Variants in ZFTRAF1 observed in about 807,000 individuals in gnomAD.
ZFTRAF1 encodes the protein zinc finger TRAF-type-containing protein 1.
chr8:144,461,974 G>A, the ZFTRAF1 span, among the ~76,000 whole-genome samples: 2 of 152,162 alleles, frequency 1.3e-5, no homozygotes, highest in Non-Finnish European at 2.9e-5. Context: ...AGGGGACCGT[G>A]GGGAAGTCTA....
chr8:144,455,308 C>T, the ZFTRAF1 span: 1 of 152,180 alleles, frequency 6.6e-6, no homozygotes, highest in Admixed American at 6.5e-5. Context: ...GAGTGAGACT[C>T]TATCTCATGA....
the ZFTRAF1 span, chr8:144,452,219 G>A: frequency 1.0e-6 from 1 of 965,830 alleles, no homozygotes; most frequent in Non-Finnish European, 1.6e-6. Flanking sequence ...GTGTCCACCT[G>A]TCCACCGGGA....
At chr8:144,453,317 T>C in the ZFTRAF1 span, 5 of 1,551,078 alleles carry the variant, frequency 3.2e-6, no homozygotes, top group Non-Finnish European at 4.4e-6. Flanking sequence ...CGCTCACGGC[T>C]TTCTCCACGG....
chr8:144,451,037 C>T, the ZFTRAF1 span: 6 of 437,218 alleles, frequency 1.4e-5, no homozygotes, highest in Admixed American at 1.1e-4. Context: ...ACACCCCAGG[C>T]GTGCCCGACC....
chr8:144,458,457 T>G, the ZFTRAF1 span, among the ~76,000 whole-genome samples: 3 of 152,200 alleles, frequency 2.0e-5, no homozygotes, highest in Non-Finnish European at 4.4e-5. Context: ...TCAGCTGCAG[T>G]CCTGTACTGC....
the ZFTRAF1 span, chr8:144,450,730 C>G: frequency 1.4e-6 from 1 of 711,428 alleles, no homozygotes; most frequent in East Asian, 2.7e-5. Flanking sequence ...AGTACAGGCG[C>G]GTGATGAAGT....
At chr8:144,462,541 C>G in the ZFTRAF1 span, 1 of 147,816 alleles carries the variant, frequency 6.8e-6, no homozygotes, top group East Asian at 2.0e-4. Flanking sequence ...CCGCCGCCGC[C>G]TGCCCGGCGG....
chr8:144,456,818 T>G, the ZFTRAF1 span: 1 of 144,356 alleles, frequency 6.9e-6, no homozygotes, highest in South Asian at 2.2e-4. Context: ...GGGGATGACA[T>G]CACCGGGGGA....
At chr8:144,458,163 A>C in the ZFTRAF1 span, among the ~76,000 whole-genome samples, 4 of 152,238 alleles carry the variant, frequency 2.6e-5, no homozygotes, top group Non-Finnish European at 5.9e-5. Flanking sequence ...GCTGTTAAGC[A>C]TGAAGCCAGG....
chr8:144,455,734 G>A, the ZFTRAF1 span: 3 of 152,328 alleles, frequency 2.0e-5, no homozygotes, highest in Admixed American at 2.0e-4. Context: ...TTCCAGGCAG[G>A]GCTGGAGCAT....
chr8:144,459,060 C>T, the ZFTRAF1 span, among the ~76,000 whole-genome samples: 140,796 of 152,334 alleles, frequency 0.92, 65,784 homozygotes, highest in Non-Finnish European at 1. Context: ...GTCTGTCTTA[C>T]GCAGCATCAC....
At chr8:144,462,648 C>G in the ZFTRAF1 span, 2 of 145,068 alleles carry the variant, frequency 1.4e-5, no homozygotes, top group African/African-American at 5.0e-5. Flanking sequence ...TCCTCGGCGC[C>G]GGACATAGCG....
At chr8:144,452,913 C>G in the ZFTRAF1 span, among the ~76,000 whole-genome samples, 1 of 152,258 alleles carries the variant, frequency 6.6e-6, no homozygotes, top group Non-Finnish European at 1.5e-5. Flanking sequence ...GCAGTGTACC[C>G]TCACACCAAG....
the ZFTRAF1 span, chr8:144,450,037 G>C: frequency 2.1e-5 from 7 of 331,262 alleles, no homozygotes; most frequent in Non-Finnish European, 4.0e-5. Context: ...GAGCAGCACC[G>C]CCGCCTGACT....
At chr8:144,457,856 G>C in the ZFTRAF1 span, 1 of 152,416 alleles carries the variant, frequency 6.6e-6, no homozygotes, top group East Asian at 1.9e-4. Context: ...GGATGGCACA[G>C]TGCCCAGGCC....
the ZFTRAF1 span, chr8:144,457,197 CA>C: frequency 6.6e-6 from 1 of 151,944 alleles, no homozygotes; most frequent in Non-Finnish European, 1.5e-5. Flanking sequence ...GGAATGACAT[CA>C]CGGGGGAATG....
At chr8:144,459,640 T>C in the ZFTRAF1 span, among the ~76,000 whole-genome samples, 4 of 152,222 alleles carry the variant, frequency 2.6e-5, no homozygotes, top group Admixed American at 2.0e-4. Context: ...ATCTGGTATC[T>C]GGATGACAAG....
the ZFTRAF1 span, chr8:144,453,996 G>A: frequency 6.4e-6 from 1 of 156,264 alleles, no homozygotes; most frequent in Non-Finnish European, 1.4e-5. Flanking sequence ...CCTCGTCCAG[G>A]GAGGTTGGCT....
chr8:144,460,764 T>C, the ZFTRAF1 span, among the ~76,000 whole-genome samples: 29 of 152,264 alleles, frequency 1.9e-4, no homozygotes, highest in Admixed American at 3.9e-4. Context: ...GCGCCTGTAA[T>C]CCCAGCTACT....
Sources: allele counts gnomAD v4.1 joint callset (sites outside exome capture counted in the v4.1 genomes callset), GRCh38; gene constraint gnomAD v4.1.1; transcripts MANE v1.5; gene names NCBI Gene and HGNC (gene_info 2026-07-23, HGNC 2026-07-21).